Variants in PTPRN2 observed in about 807,000 individuals in gnomAD.
PTPRN2 encodes the protein protein tyrosine phosphatase receptor type N2.
A neutral mutation model predicts 118.8 loss-of-function variants in PTPRN2; 74 were observed. The observed-to-expected ratio is 0.62, with a 90% CI of 0.52 to 0.76. PTPRN2 has a LOEUF of 0.76. PTPRN2 is among the 30% of genes least tolerant of loss of function. The probability of loss-of-function intolerance (pLI) is 0.00; values close to 1 mark genes in which losing one functional copy is unlikely to be tolerated. For missense variants in PTPRN2, 1,481 were observed against 1,394.4 expected (o/e 1.06, Z -0.99); for synonymous variants, 641 against 608.0 (o/e 1.05, Z -0.80).
intron 11 of PTPRN2, among the ~76,000 whole-genome samples, chr7:157,994,644 C>T (rs1470780245): frequency 1.3e-5 from 2 of 148,304 alleles, no homozygotes; most frequent in Non-Finnish European, 3.0e-5. Context: ...AACGCCGTGT[C>T]CCCAGCTTAC....
At chr7:158,142,283 G>A (rs547413101) in intron 6 of PTPRN2, among the ~76,000 whole-genome samples, 103 of 152,324 alleles carry the variant, frequency 6.8e-4, no homozygotes, top group Middle Eastern at 6.8e-3. Context: ...CCAGACACGG[G>A]CAGCCCCTGG....
intron 10 of PTPRN2, among the ~76,000 whole-genome samples, chr7:158,097,631 C>T (rs377163408): frequency 1.3e-5 from 2 of 152,196 alleles, no homozygotes; most frequent in Non-Finnish European, 2.9e-5. Flanking sequence ...GCACTGCCCA[C>T]CTCCCCGAGA....
At chr7:157,862,323 A>G (rs1438883353) in intron 12 of PTPRN2, among the ~76,000 whole-genome samples, 3 of 152,224 alleles carry the variant, frequency 2.0e-5, no homozygotes, top group South Asian at 2.1e-4. Context: ...GCATTAGCTC[A>G]TGTGCCCTCT....
intron 2 of PTPRN2, among the ~76,000 whole-genome samples, chr7:158,333,479 G>T (rs1295808781): frequency 2.8e-5 from 4 of 144,246 alleles, no homozygotes; most frequent in African/African-American, 1.2e-4. Context: ...CTCCATAAGA[G>T]GTGACACCTG....
In PTPRN2 at chr7:157,944,238, C is replaced by G. The variant is rs1800326103; in HGVS notation, c.1724-45501G>C. On this transcript the variant is annotated intron_variant, in intron 11 of 22. Transcript: ENST00000389418. This position sits in a 1 kb window ranked among gnomAD's most constrained non-coding sequence, Gnocchi z 4.3. ...CTAACGGCATTTGACAAAGATTGAG[C>G]ATGGTTCGTCGCGAACGCCAGCCTG... Among the ~76,000 whole-genome samples the G allele has an allele frequency of 1.3e-5, 2 of 152,148 alleles. No individual in the cohort carries two copies. The highest frequency in any genetic ancestry group is 4.1e-4 in the South Asian group (2 of 4,822).
At chr7:157,917,525 G>T (rs1416914429) in intron 11 of PTPRN2, among the ~76,000 whole-genome samples, 1 of 152,170 alleles carries the variant, frequency 6.6e-6, no homozygotes, top group African/African-American at 2.4e-5. Flanking sequence ...AATAATAGCG[G>T]CAGGCTGGGA....
rs1796552631 is a variant in PTPRN2 at position 157,674,259 on chromosome 7, C to T, written c.2001+8466G>A. On this transcript the variant is annotated intron_variant, in intron 13 of 22. Coordinates refer to ENST00000389418, the MANE Select transcript of PTPRN2 (RefSeq NM_002847.5). The surrounding 1 kb of genome is among the most constrained non-coding windows in gnomAD (Gnocchi z 4.5). Reference sequence around the variant, plus strand: ...CTTGGGCCTGGGAGAGAAGAGACAGCCAGGCGGCGAGGGACTTGTCCTGTG... The same window carrying T: ...CTTGGGCCTGGGAGAGAAGAGACAGTCAGGCGGCGAGGGACTTGTCCTGTG... Among the ~76,000 whole-genome samples, 1 of 152,142 alleles carries T rather than the reference C, an allele frequency of 6.6e-6. No homozygotes were observed. The highest frequency in any genetic ancestry group is 6.5e-5 in the Admixed American group (1 of 15,284).
chr7:158,181,141 T>TA (rs1165324385), intron 5 of PTPRN2, among the ~76,000 whole-genome samples: 3 of 152,234 alleles, frequency 2.0e-5, no homozygotes, highest in African/African-American at 7.2e-5. Flanking sequence ...TGAGAGTTTT[T>TA]ATCATGAAGT....
rs569671680 is a variant in PTPRN2, at chr7:157,831,217, A to T, written c.1788+67456T>A. 9.2e-5 allele frequency among the ~76,000 whole-genome samples: 14 copies of T among 152,334 alleles called. No homozygotes were observed. The highest frequency in any genetic ancestry group is 3.1e-4 in the African/African-American group (13 of 41,578). On this transcript the variant is annotated intron_variant, in intron 12 of 22. Transcript: ENST00000389418. This position sits in a 1 kb window ranked among gnomAD's most constrained non-coding sequence, Gnocchi z 4.8. Reference sequence around the variant, plus strand: ...AACTGCTCGGGCCCTGCAGCATCTTACAAGGGGTGCAGGGAAGTCCAGAGA... The same window carrying T: ...AACTGCTCGGGCCCTGCAGCATCTTTCAAGGGGTGCAGGGAAGTCCAGAGA...
At chr7:158,228,677 C>T (rs1238644080) in intron 3 of PTPRN2, among the ~76,000 whole-genome samples, 2 of 152,032 alleles carry the variant, frequency 1.3e-5, no homozygotes, top group Admixed American at 6.6e-5. Context: ...AGCATCAGAC[C>T]ACCATGTCTG....
chr7:157,722,576 G>A (rs993584735), intron 12 of PTPRN2, among the ~76,000 whole-genome samples: 1 of 152,222 alleles, frequency 6.6e-6, no homozygotes, highest in African/African-American at 2.4e-5. Flanking sequence ...GAAATGTGTG[G>A]ACTTGACGCC....
rs774852884 is a variant in PTPRN2 at position 157,948,471 on chromosome 7, G to A, written c.1724-49734C>T. On this transcript the variant is annotated intron_variant, in intron 11 of 22. Coordinates refer to ENST00000389418, the MANE Select transcript of PTPRN2 (RefSeq NM_002847.5). Reference sequence around the variant, plus strand: ...AATGTGCAGGAAAAGAAAATGAGAAGGGAATCAAAACAGTACACTAAAAAT... The same window carrying A: ...AATGTGCAGGAAAAGAAAATGAGAAAGGAATCAAAACAGTACACTAAAAAT... Among the ~76,000 whole-genome samples the A allele has an allele frequency of 8.6e-4, 131 of 151,926 alleles. 1 individual carries two copies. Among genetic ancestry groups the A allele is most frequent in the Middle Eastern group, 3.4e-3 (1 of 294 alleles).
At chr7:158,558,524 C>A (rs1346724766) in intron 1 of PTPRN2, among the ~76,000 whole-genome samples, 1 of 152,078 alleles carries the variant, frequency 6.6e-6, no homozygotes, top group Non-Finnish European at 1.5e-5. Flanking sequence ...GAAGGCCTGG[C>A]ACCTGCAGAG....
chr7:158,555,022 T>C lies in PTPRN2; in HGVS notation c.112+32536A>G, dbSNP rs1826885202. Reference sequence around the variant, plus strand: ...GACTACCAACTCCCCTCACCGGAGATGCCTGCCTGGGCCCTGAATTCTGAG... The same window carrying C: ...GACTACCAACTCCCCTCACCGGAGACGCCTGCCTGGGCCCTGAATTCTGAG... On this transcript the variant is annotated intron_variant, in intron 1 of 22. Coordinates refer to ENST00000389418, the MANE Select transcript of PTPRN2 (RefSeq NM_002847.5). This position sits in a 1 kb window ranked among gnomAD's most constrained non-coding sequence, Gnocchi z 4.7. Among the ~76,000 whole-genome samples the C allele has an allele frequency of 6.6e-6, 1 of 152,148 alleles. No individual in the cohort carries two copies. Among genetic ancestry groups the C allele is most frequent in the Non-Finnish European group, 1.5e-5 (1 of 68,024 alleles).
At chr7:157,595,343 G>T (rs765060927) in intron 16 of PTPRN2, 28 bp from the exon 17 acceptor site, 2 of 1,607,500 alleles carry the variant, frequency 1.2e-6, no homozygotes, top group Non-Finnish European at 8.5e-7. Flanking sequence ...CACCACAGCG[G>T]TTAGCCAGGA....
At chr7:158,421,459 A>G (rs550367909) in intron 2 of PTPRN2, among the ~76,000 whole-genome samples, 1 of 152,320 alleles carries the variant, frequency 6.6e-6, no homozygotes, top group East Asian at 1.9e-4. Context: ...AGTTTTTGCC[A>G]TATTTTCCTC....
At chr7:157,589,598 G>T (rs1800871423) in intron 17 of PTPRN2, among the ~76,000 whole-genome samples, 1 of 152,184 alleles carries the variant, frequency 6.6e-6, no homozygotes, top group Non-Finnish European at 1.5e-5. Context: ...AGCAACCAGA[G>T]CTCAACGCCT....
chr7:157,994,133 T>C (rs1384919069), intron 11 of PTPRN2, among the ~76,000 whole-genome samples: 2 of 152,082 alleles, frequency 1.3e-5, no homozygotes, highest in African/African-American at 4.8e-5. Context: ...CTTTAAATAT[T>C]ATTGACACAG....
chr7:157,963,365 A>G (rs1801678823), intron 11 of PTPRN2, among the ~76,000 whole-genome samples: 1 of 152,392 alleles, frequency 6.6e-6, no homozygotes, highest in African/African-American at 2.4e-5. Context: ...AAGGTTTTGG[A>G]GCAATCTACA....
Sources: gnomAD v4.1 joint callset for allele counts (sites outside exome capture counted in the v4.1 genomes callset) on GRCh38, gnomAD v4.1.1 for gene constraint, Gnocchi (gnomAD v3.1) non-coding constraint, MANE v1.5 for transcripts, NCBI Gene and HGNC (gene_info 2026-07-23, HGNC 2026-07-21) for gene names.